The following WAC variants were observed in gnomAD, a reference collection of about 807,000 sequenced individuals.
WAC encodes WW domain containing adaptor with coiled-coil, also known as WW domain-containing adapter protein with coiled-coil.
In WAC, 11 loss-of-function variants were observed where a neutral mutation model predicts 79.6. The observed-to-expected ratio is 0.14, with a 90% CI of 0.09 to 0.23. The LOEUF (loss-of-function observed/expected upper bound fraction) is 0.23. WAC is among the 10% of genes least tolerant of loss of function. The pLI, the probability that WAC is intolerant of heterozygous loss-of-function variation, is 1.00. For synonymous variants in WAC, 304 were observed against 276.9 expected (o/e 1.10, Z -0.97); for missense variants, 728 against 773.5 (o/e 0.94, Z 0.70).
intron 3 of WAC, among the ~76,000 whole-genome samples, chr10:28,564,328 A>C (rs964269426): frequency 7.2e-5 from 11 of 152,214 alleles, no homozygotes; most frequent in African/African-American, 2.7e-4. Flanking sequence ...GTGGTCAGAT[A>C]CTGTTGTTGT....
At chr10:28,543,327 A>T (rs1017980649) in intron 3 of WAC, among the ~76,000 whole-genome samples, 2 of 151,992 alleles carry the variant, frequency 1.3e-5, no homozygotes, top group Non-Finnish European at 2.9e-5. Flanking sequence ...AGTATATTTT[A>T]TTTGACCTAA....
At chr10:28,554,209 A>G (rs1223548773) in intron 3 of WAC, among the ~76,000 whole-genome samples, 1 of 152,174 alleles carries the variant, frequency 6.6e-6, no homozygotes, top group Non-Finnish European at 1.5e-5. Context: ...CATAGGTTAT[A>G]TGCAAATACT....
intron 2 of WAC, chr10:28,535,297 A>C (rs1409210495): frequency 3.5e-6 from 1 of 289,638 alleles, no homozygotes; most frequent in Non-Finnish European, 6.3e-6. Flanking sequence ...TTTTTTGCAG[A>C]ATCAGTGTGC....
chr10:28,605,413 G>A (rs191228909), intron 7 of WAC, among the ~76,000 whole-genome samples: 3 of 152,250 alleles, frequency 2.0e-5, no homozygotes, highest in Middle Eastern at 3.4e-3. Context: ...AAGTGATTCC[G>A]ATGAGCAGTC....
chr10:28,538,323 C>T (rs760769735), intron 3 of WAC: 13 of 333,804 alleles, frequency 3.9e-5, no homozygotes, highest in African/African-American at 1.3e-4. Context: ...TGGCTCACGC[C>T]GGAATCTCAG....
At chr10:28,579,317 A>G (rs943212078) in intron 3 of WAC, among the ~76,000 whole-genome samples, 3 of 152,086 alleles carry the variant, frequency 2.0e-5, no homozygotes, top group African/African-American at 7.2e-5. Context: ...CAATGAAGCA[A>G]TGGAGACAAT....
At chr10:28,605,908 A>G (rs1840917729) in intron 7 of WAC, among the ~76,000 whole-genome samples, 1 of 152,168 alleles carries the variant, frequency 6.6e-6, no homozygotes, top group Admixed American at 6.5e-5. Flanking sequence ...GTAGAAATAA[A>G]GAGTTTATTT....
chr10:28,576,238 C>T (rs187809527), intron 3 of WAC, among the ~76,000 whole-genome samples: 1 of 152,212 alleles, frequency 6.6e-6, no homozygotes, highest in African/African-American at 2.4e-5. Flanking sequence ...AATAATGTTA[C>T]GTGTAATTTT....
chr10:28,553,371 C>G (rs1438629539), intron 3 of WAC, among the ~76,000 whole-genome samples: 1 of 152,098 alleles, frequency 6.6e-6, no homozygotes, highest in Non-Finnish European at 1.5e-5. Flanking sequence ...CTGCTTAAGT[C>G]AGGAAATACT....
intron 7 of WAC, among the ~76,000 whole-genome samples, chr10:28,602,187 G>A (rs2088945123): frequency 6.6e-6 from 1 of 152,186 alleles, no homozygotes; most frequent in Admixed American, 6.5e-5. Flanking sequence ...GTGGGAGTGT[G>A]TAAGTGGGTC....
At chr10:28,557,075 T>G (rs962979184) in intron 3 of WAC, among the ~76,000 whole-genome samples, 6 of 152,012 alleles carry the variant, frequency 3.9e-5, no homozygotes, top group South Asian at 2.1e-4. Context: ...GTTTTTTTTT[T>G]TGTGTTGAAA....
chr10:28,581,542 TTTTG>T (rs548725389), intron 3 of WAC, among the ~76,000 whole-genome samples: 124 of 152,018 alleles, frequency 8.2e-4, no homozygotes, highest in Non-Finnish European at 1.4e-3. Context: ...TACTCAGCCT[TTTTG>T]TTTGTTTGTT....
At chr10:28,535,442 G>A (rs1564368509) in intron 2 of WAC, 120 bp from the exon 3 acceptor site, 1 of 1,281,540 alleles carries the variant, frequency 7.8e-7, no homozygotes, top group Non-Finnish European at 1.1e-6. Flanking sequence ...ATTGAAAGTG[G>A]AAATTTTAAT....
At chr10:28,606,209 G>C (rs1840941932) in intron 7 of WAC, among the ~76,000 whole-genome samples, 1 of 152,098 alleles carries the variant, frequency 6.6e-6, no homozygotes, top group African/African-American at 2.4e-5. Flanking sequence ...AGCCACCACA[G>C]CTGGCTAATT....
At position 28,542,045 on chromosome 10, in the gene WAC, C is replaced by A. The variant is rs201347965; in HGVS notation, c.274+6288C>A. ...GTAATCTGGTGTCTGGGTATTTTTT[C>A]AGCCTCTTCTACTATCTTCCCCTTG... On this transcript the variant is annotated intron_variant, in intron 3 of 13. Coordinates refer to ENST00000354911, the MANE Select transcript of WAC (RefSeq NM_016628.5). Among the ~76,000 whole-genome samples the A allele has an allele frequency of 1.1e-4, 16 of 152,254 alleles. No individual in the cohort carries two copies. In the East Asian group the frequency reaches 3.1e-3, roughly 29 times the overall value.
chr10:28,559,136 A>ATGTGTGTCTGTG lies in WAC; in HGVS notation c.274+23386_274+23387insCTGTGTGTGTGT, dbSNP rs1838163947. ...TAAATCTCTGCTCTCGAGAAACCTG[A>ATGTGTGTCTGTG]TGTGTGTGTGTGTGTGTGTGTGTGT... is the stretch of plus-strand genomic sequence containing the variant. On this transcript the variant is annotated intron_variant, in intron 3 of 13. Coordinates refer to ENST00000354911, the MANE Select transcript of WAC (RefSeq NM_016628.5). 9.5e-5 allele frequency among the ~76,000 whole-genome samples: 14 copies of ATGTGTGTCTGTG among 146,762 alleles called. 1 individual carries two copies. In the South Asian group the frequency reaches 3.1e-3, roughly 33 times the overall value.
intron 3 of WAC, among the ~76,000 whole-genome samples, chr10:28,541,459 C>T (rs1384267354): frequency 1.7e-5 from 2 of 115,070 alleles, no homozygotes; most frequent in South Asian, 3.0e-4. Flanking sequence ...GACAGTCTCA[C>T]TCTGTACCTA....
chr10:28,579,067 ACTT>A (rs1168447208), intron 3 of WAC, among the ~76,000 whole-genome samples: 2 of 151,490 alleles, frequency 1.3e-5, no homozygotes, highest in Non-Finnish European at 2.9e-5. Flanking sequence ...TTAAGACTTA[ACTT>A]TATCAGTCCT....
At chr10:28,617,840 C>T (rs1841539096) in intron 13 of WAC, 56 bp downstream of exon 13, 7 of 1,499,754 alleles carry the variant, frequency 4.7e-6, no homozygotes, top group African/African-American at 2.9e-5. Flanking sequence ...ATTCTTAAAT[C>T]GAACTAAAGA....
Sources: allele counts gnomAD v4.1 joint callset (sites outside exome capture counted in the v4.1 genomes callset), GRCh38; gene constraint gnomAD v4.1.1; transcripts MANE v1.5; gene names NCBI Gene and HGNC (gene_info 2026-07-23, HGNC 2026-07-21).